The following MCC variants were observed in gnomAD, a reference collection of about 807,000 sequenced individuals.
MCC encodes MCC regulator of Wnt signaling pathway, also known as colorectal mutant cancer protein.
MCC carries 90 observed loss-of-function variants against 116.2 expected under a neutral mutation model. That is an observed-to-expected ratio of 0.77 (90% CI 0.65 to 0.92). MCC has a LOEUF of 0.92. Ranked by LOEUF, MCC falls within the 40% of genes least tolerant of loss-of-function variation. MCC has a pLI of 0.00. For synonymous variants in MCC, 578 were observed against 510.5 expected, an observed-to-expected ratio of 1.13 and a Z score of -1.78; for missense variants, 1,516 against 1,312.2, an observed-to-expected ratio of 1.16 and a Z score of -2.40.
At chr5:113,182,177 A>AG (rs1268784261) in intron 3 of MCC, among the ~76,000 whole-genome samples, 1 of 152,216 alleles carries the variant, frequency 6.6e-6, no homozygotes, top group African/African-American at 2.4e-5. Context: ...AATGCTTTTA[A>AG]GGGGGTTTTT....
chr5:113,381,727 G>A (rs1376521491), intron 2 of MCC, among the ~76,000 whole-genome samples: 2 of 152,128 alleles, frequency 1.3e-5, no homozygotes, highest in African/African-American at 2.4e-5. Flanking sequence ...GGTTGAGGCT[G>A]TAGTGAGCCA....
intron 2 of MCC, among the ~76,000 whole-genome samples, chr5:113,377,546 C>A (rs1769017538): frequency 6.6e-6 from 1 of 152,138 alleles, no homozygotes; most frequent in Admixed American, 6.5e-5. Flanking sequence ...GCAGAAAGAA[C>A]AACTAGGAGG....
chr5:113,275,981 T>G (rs1271420023), intron 3 of MCC, among the ~76,000 whole-genome samples: 3 of 150,814 alleles, frequency 2.0e-5, no homozygotes, highest in Non-Finnish European at 4.4e-5. Flanking sequence ...TTTTTTTTTT[T>G]TTTTTTTTAA....
At position 113,026,348 on chromosome 5, in the gene MCC, G is replaced by A. The variant is rs895561600; in HGVS notation, c.*954C>T. The A allele has an allele frequency of 6.6e-6, 1 of 152,264 alleles. No individual in the cohort carries two copies. Among genetic ancestry groups the A allele is most frequent in the African/African-American group, 2.4e-5 (1 of 41,468 alleles). 9.4% of individuals were successfully genotyped at this position (152,264 alleles called of 1,614,324 possible). On this transcript the variant is annotated 3_prime_UTR_variant, in exon 19 of 19. Transcript: ENST00000408903. The stretch of plus-strand genomic sequence containing the variant: ...CTCCTCAGTGTCTTGTCCTTAGGTA[G>A]AGACAGGTCCAGAGCTACAAATGCA...
At chr5:113,207,275 C>T (rs977936390) in intron 3 of MCC, among the ~76,000 whole-genome samples, 4 of 152,118 alleles carry the variant, frequency 2.6e-5, no homozygotes, top group Non-Finnish European at 5.9e-5. Context: ...TCTTACCTCA[C>T]AGGATTGTCA....
intron 5 of MCC, among the ~76,000 whole-genome samples, chr5:113,141,390 A>G (rs1305860086): frequency 3.9e-5 from 6 of 152,174 alleles, no homozygotes; most frequent in Non-Finnish European, 8.8e-5. Flanking sequence ...CAGACTCCAT[A>G]ATCACATGAG....
intron 10 of MCC, among the ~76,000 whole-genome samples, chr5:113,083,799 T>C (rs1299992508): frequency 1.3e-5 from 2 of 152,144 alleles, no homozygotes; most frequent in Non-Finnish European, 2.9e-5. Context: ...CAGGGTGATA[T>C]AAGACAGATA....
chr5:113,436,679 C>G (rs1253813644), intron 1 of MCC: 3 of 152,324 alleles, frequency 2.0e-5, no homozygotes, highest in African/African-American at 7.2e-5. Flanking sequence ...GCTCTTTTCT[C>G]CTGAGATAAT....
Position 113,440,612 on chromosome 5 carries a change from A to T in MCC, c.170+47633T>A, listed in dbSNP as rs3843499. ...CGGAAGGAGAAAGAGAGGGAGGGAA[A>T]GGAGGAGAGAGAAGAGGGAAGGAAT... On this transcript the variant is annotated intron_variant, in intron 1 of 18. Coordinates refer to ENST00000408903, the MANE Select transcript of MCC (RefSeq NM_001085377.2). 2.3e-3 allele frequency among the ~76,000 whole-genome samples: 343 copies of T among 152,278 alleles called. 9 individuals carry two copies. The East Asian group carries it at 0.059, about 26-fold the overall frequency.
chr5:113,364,548 T>C (rs771358337), intron 2 of MCC, among the ~76,000 whole-genome samples: 1 of 152,188 alleles, frequency 6.6e-6, no homozygotes, highest in Non-Finnish European at 1.5e-5. Context: ...GTCTGGAGGA[T>C]GATGGCCCTC....
chr5:113,444,579 G>A (rs1273140667), intron 1 of MCC, among the ~76,000 whole-genome samples: 1 of 151,528 alleles, frequency 6.6e-6, no homozygotes. Context: ...TTAAGGGAAG[G>A]GTAGATCGCC....
At chr5:113,126,294 T>C (rs1014734916) in intron 5 of MCC, among the ~76,000 whole-genome samples, 1 of 152,168 alleles carries the variant, frequency 6.6e-6, no homozygotes, top group African/African-American at 2.4e-5. Flanking sequence ...GCTGGCAGAC[T>C]GGAAGGGATT....
At chr5:113,352,258 T>G (rs963188159) in intron 2 of MCC, among the ~76,000 whole-genome samples, 1 of 152,162 alleles carries the variant, frequency 6.6e-6, no homozygotes, top group African/African-American at 2.4e-5. Flanking sequence ...ACTTTGAAAA[T>G]GCAGGTCTGG....
intron 3 of MCC, among the ~76,000 whole-genome samples, chr5:113,251,192 A>G (rs575599702): frequency 4.7e-4 from 71 of 152,370 alleles, no homozygotes; most frequent in South Asian, 8.3e-4. Context: ...TGCAAATGCC[A>G]TATGTACTAA....
At chr5:113,071,871 G>A (rs1462802131) in intron 11 of MCC, among the ~76,000 whole-genome samples, 2 of 152,190 alleles carry the variant, frequency 1.3e-5, no homozygotes, top group African/African-American at 4.8e-5. Flanking sequence ...TGGCCTTTAA[G>A]TGGGAAATGG....
intron 2 of MCC, among the ~76,000 whole-genome samples, chr5:113,360,197 A>T (rs1027648403): frequency 1.3e-5 from 2 of 151,474 alleles, no homozygotes; most frequent in African/African-American, 4.9e-5. Context: ...AGGGGAATAA[A>T]AAAAAAAATG....
intron 1 of MCC, among the ~76,000 whole-genome samples, chr5:113,419,576 A>T (rs1182978279): frequency 2.0e-5 from 3 of 152,066 alleles, no homozygotes; most frequent in Non-Finnish European, 4.4e-5. Context: ...TGAATTGTGT[A>T]CTTTAAAAAT....
At chr5:113,319,561 T>C (rs906146814) in intron 3 of MCC, among the ~76,000 whole-genome samples, 1 of 152,184 alleles carries the variant, frequency 6.6e-6, no homozygotes, top group African/African-American at 2.4e-5. Context: ...CAAGAGAAGA[T>C]GGAAGGGAGT....
intron 3 of MCC, among the ~76,000 whole-genome samples, chr5:113,187,691 C>A (rs1761958182): frequency 6.7e-6 from 1 of 150,070 alleles, no homozygotes; most frequent in African/African-American, 2.5e-5. Context: ...GGAGGCGGAG[C>A]TTGCAGTGAG....
Sources: gnomAD v4.1 joint callset for allele counts (sites outside exome capture counted in the v4.1 genomes callset) on GRCh38, gnomAD v4.1.1 for gene constraint, MANE v1.5 for transcripts, NCBI Gene and HGNC (gene_info 2026-07-23, HGNC 2026-07-21) for gene names.